Variants in SUGP2 observed in about 807,000 individuals in gnomAD.
The protein encoded by SUGP2 is SURP and G-patch domain-containing protein 2.
SUGP2 carries 24 observed loss-of-function variants against 90.5 expected under a neutral mutation model. The observed-to-expected ratio is 0.27, with a 90% CI of 0.19 to 0.37. The LOEUF (loss-of-function observed/expected upper bound fraction) is 0.37, where lower values mean the gene tolerates loss of function less well. Ranked by LOEUF, SUGP2 falls within the 10% of genes least tolerant of loss-of-function variation. The pLI is 1.00. For missense variants in SUGP2, 1,233 were observed against 1,363.3 expected, an observed-to-expected ratio of 0.90 and a Z score of 1.51; for synonymous variants, 473 against 513.4, an observed-to-expected ratio of 0.92 and a Z score of 1.06.
chr19:19,001,779 CAGA>C, intron 7 of SUGP2, 105 bp from the exon 8 acceptor site: 1 of 1,150,058 alleles, frequency 8.7e-7, no homozygotes, highest in East Asian at 2.4e-5. Flanking sequence ...TCTCTGATGA[CAGA>C]AGGTGTCTTA....
In SUGP2 at chr19:19,031,466, G is replaced by A. The variant is rs559327334; in HGVS notation, c.-11-384C>T. 7.2e-5 allele frequency among the ~76,000 whole-genome samples: 11 copies of A among 151,784 alleles called. No homozygotes were observed. In the South Asian group the frequency reaches 1.5e-3, roughly 20 times the overall value. ...AGAGAATTGCTTGAACCCAGGAGGC[G>A]GAGGTTGCAGTGGGCCGAGATCATG... On this transcript the variant is annotated intron_variant, in intron 1 of 10. Transcript: ENST00000452918.
chr19:19,001,305 C>T (rs1460113603), intron 8 of SUGP2, among the ~76,000 whole-genome samples: 2 of 152,166 alleles, frequency 1.3e-5, no homozygotes, highest in Admixed American at 6.5e-5. Context: ...CGTGAGCCAC[C>T]ACACCTGGCC....
In SUGP2 at chr19:19,004,655, C is replaced by G; in HGVS notation, c.2451-9G>C. The G allele has an allele frequency of 6.3e-7, 1 of 1,580,962 alleles. No homozygotes were observed. The highest frequency in any genetic ancestry group is 8.6e-7 in the Non-Finnish European group (1 of 1,158,288). On this transcript the variant is annotated splice_polypyrimidine_tract_variant and intron_variant, in intron 6 of 10. Transcript: ENST00000452918. ...TTTGGTCATGTAGAAACCTGGGGCA[C>G]AGAGGAAATACATTGGGTAACCAGA...
chr19:19,010,813 C>T (rs1015681730), intron 4 of SUGP2, among the ~76,000 whole-genome samples: 5 of 152,122 alleles, frequency 3.3e-5, no homozygotes, highest in African/African-American at 4.8e-5. Context: ...ATGATGAGAA[C>T]AGTAAAGAGA....
intron 8 of SUGP2, 126 bp from the exon 9 acceptor site, chr19:18,995,406 C>G: frequency 8.8e-7 from 1 of 1,131,062 alleles, no homozygotes; most frequent in Non-Finnish European, 1.2e-6. Flanking sequence ...TGCTCAGGCT[C>G]AAGCTCCAGT....
intron 2 of SUGP2, among the ~76,000 whole-genome samples, chr19:19,029,993 A>G (rs532722808): frequency 6.6e-6 from 1 of 151,914 alleles, no homozygotes; most frequent in South Asian, 2.1e-4. Context: ...CAGCGGTGAC[A>G]GGGATGGAGC....
intron 6 of SUGP2, 97 bp from the exon 7 acceptor site, chr19:19,004,743 G>A: frequency 9.9e-7 from 1 of 1,013,864 alleles, no homozygotes; most frequent in Non-Finnish European, 1.4e-6. Flanking sequence ...AGGTGGAGGT[G>A]GGACAAGGGA....
intron 6 of SUGP2, among the ~76,000 whole-genome samples, chr19:19,006,287 A>G (rs1309772541): frequency 6.6e-6 from 1 of 152,218 alleles, no homozygotes; most frequent in Non-Finnish European, 1.5e-5. Context: ...CACAAAATGA[A>G]TTAACTCAAT....
chr19:19,022,902 A>C (rs1402538785), intron 3 of SUGP2, among the ~76,000 whole-genome samples: 1 of 152,154 alleles, frequency 6.6e-6, no homozygotes, highest in African/African-American at 2.4e-5. Flanking sequence ...GGGCAATGGA[A>C]GGTGAAAACC....
At chr19:19,032,699 C>T (rs763590977) in intron 1 of SUGP2, among the ~76,000 whole-genome samples, 12 of 152,070 alleles carry the variant, frequency 7.9e-5, no homozygotes, top group Non-Finnish European at 1.6e-4. Context: ...ACTCAACGAC[C>T]CATTCAAGAC....
upstream of SUGP2, chr19:19,033,629 G>A: frequency 1.8e-6 from 2 of 1,140,772 alleles, no homozygotes; most frequent in Non-Finnish European, 2.2e-6. Flanking sequence ...GCGCAAGCGC[G>A]CTGTCCGCTT....
chr19:19,018,974 C>A, intron 4 of SUGP2, 135 bp downstream of exon 4: 1 of 1,027,088 alleles, frequency 9.7e-7, no homozygotes, highest in South Asian at 1.7e-5. Context: ...ATCTGAGCCA[C>A]CCTCATGCTC....
chr19:19,029,616 T>G (rs2059070179), intron 2 of SUGP2, among the ~76,000 whole-genome samples: 1 of 150,246 alleles, frequency 6.7e-6, no homozygotes. Flanking sequence ...TTTTTTTTTT[T>G]TTTTGATTTT....
chr19:19,012,887 G>A (rs1036353894), intron 4 of SUGP2, among the ~76,000 whole-genome samples: 7 of 150,708 alleles, frequency 4.6e-5, no homozygotes, highest in African/African-American at 1.2e-4. Flanking sequence ...TTTTTGAGAC[G>A]GAGTCTCGCT....
intron 4 of SUGP2, among the ~76,000 whole-genome samples, chr19:19,014,178 A>G (rs2058408020): frequency 6.6e-6 from 1 of 152,106 alleles, no homozygotes; most frequent in Admixed American, 6.6e-5. Flanking sequence ...TTTTTAGTAG[A>G]GATGGGGTTT....
At chr19:19,018,209 G>A (rs1036781556) in intron 4 of SUGP2, among the ~76,000 whole-genome samples, 1 of 152,124 alleles carries the variant, frequency 6.6e-6, no homozygotes, top group Non-Finnish European at 1.5e-5. Flanking sequence ...TCGTGCACCT[G>A]TAATCCCAGC....
In SUGP2 at chr19:18,994,384, G is replaced by T. The variant is rs746253997; in HGVS notation, c.3231C>A (p.His1077Gln). ...AACATACCTATTTGTTGGCCCGCTT[G>T]TGTCTGTACATCTGCATCATCCTCT... ...FRQRMMQMYR[H>Q]KRANK The change falls in exon 10 of 11, where the codon CAC becomes CAA. Residue 1077 changes from histidine to glutamine, a missense_variant. His to Gln is a conservative substitution (Grantham distance 24). Coordinates refer to ENST00000452918, the MANE Select transcript of SUGP2 (RefSeq NM_001017392.5). The T allele has an allele frequency of 1.2e-6, 2 of 1,614,096 alleles. No individual in the cohort carries two copies. The highest frequency in any genetic ancestry group is 1.7e-6 in the Non-Finnish European group (2 of 1,180,026).
intron 5 of SUGP2, 76 bp downstream of exon 5, chr19:19,009,779 C>A: frequency 6.6e-7 from 1 of 1,508,260 alleles, no homozygotes; most frequent in Non-Finnish European, 8.8e-7. Context: ...GCAGGCCCCC[C>A]CAATTCTAAA....
Position 19,024,603 on chromosome 19 carries a change from T to G in SUGP2, c.1729+16A>C. 1 of 1,577,378 alleles carries G rather than the reference T, an allele frequency of 6.3e-7. No individual in the cohort carries two copies. Among genetic ancestry groups the G allele is most frequent in the Non-Finnish European group, 8.6e-7 (1 of 1,163,510 alleles). ...CACGAAAAACAACAAATAGAAACTTTGGCTGATTTCCTTACCATCACTCAG... is the reference window on the plus strand; with the variant it reads ...CACGAAAAACAACAAATAGAAACTTGGGCTGATTTCCTTACCATCACTCAG... On this transcript the variant is annotated intron_variant, in intron 3 of 10. Transcript: ENST00000452918.
Sources: allele counts gnomAD v4.1 joint callset (sites outside exome capture counted in the v4.1 genomes callset), GRCh38; gene constraint gnomAD v4.1.1; transcripts MANE v1.5; gene names NCBI Gene and HGNC (gene_info 2026-07-23, HGNC 2026-07-21).